The following POLA1 variants were observed in gnomAD, a reference collection of about 807,000 sequenced individuals.
POLA1 encodes the protein DNA polymerase alpha catalytic subunit.
A neutral mutation model predicts 124.0 loss-of-function variants in POLA1; 15 were observed. The observed-to-expected ratio is 0.12, with a 90% CI of 0.08 to 0.19. The LOEUF is 0.19. Ranked by LOEUF, POLA1 falls within the 10% of genes least tolerant of loss-of-function variation. POLA1 has a pLI of 1.00. For synonymous variants in POLA1, 408 were observed against 389.4 expected (o/e 1.05, Z -0.56); for missense variants, 886 against 1,103.4 (o/e 0.80, Z 2.79).
At chrX:24,704,578 A>G in intron 4 of POLA1, 109 bp downstream of exon 4, 1 of 514,935 alleles carries the variant, frequency 1.9e-6, no homozygotes, top group Non-Finnish European at 3.4e-6. Context: ...GGACCTAACT[A>G]CCATTGTTTT....
At position 24,727,885 on chromosome X, in the gene POLA1, G is replaced by A. The variant is rs768457853; in HGVS notation, c.1635G>A (p.Val545=). ...IKDVSPPPLV[V]MAFSMKTMQN... ...ATGTCAGTCCACCACCGCTTGTCGTGATGGCTTTCAGCATGAAGACAATGC... is the reference window on the plus strand; with the variant it reads ...ATGTCAGTCCACCACCGCTTGTCGTAATGGCTTTCAGCATGAAGACAATGC... Residue 545 remains valine (V), a synonymous_variant, in exon 15 of 37, where the codon GTG becomes GTA. Transcript: ENST00000379068. 20 of 1,209,521 alleles carry A rather than the reference G, an allele frequency of 1.7e-5. No individual in the cohort carries two copies. In the African/African-American group the frequency reaches 3.5e-4, roughly 21 times the overall value.
At chrX:24,822,683 A>G (rs1333856088) in intron 31 of POLA1, among the ~76,000 whole-genome samples, 1 of 112,406 alleles carries the variant, frequency 8.9e-6, no homozygotes, top group African/African-American at 3.2e-5. Context: ...AAATATTTCC[A>G]TAAATGTCTG....
intron 25 of POLA1, 110 bp from the exon 26 acceptor site, chrX:24,748,760 C>G: frequency 1.3e-6 from 1 of 786,687 alleles, no homozygotes; most frequent in Non-Finnish European, 1.9e-6. Context: ...CTTTTTTATT[C>G]AGGGATATTG....
intron 35 of POLA1, among the ~76,000 whole-genome samples, chrX:24,904,403 G>T (rs1049528987): frequency 1.8e-5 from 2 of 109,211 alleles, no homozygotes; most frequent in African/African-American, 6.6e-5. Flanking sequence ...AGAGAATGTA[G>T]AAATCCCCAT....
At chrX:24,701,411 C>T (rs1328880625) in intron 2 of POLA1, among the ~76,000 whole-genome samples, 7 of 109,775 alleles carry the variant, frequency 6.4e-5, no homozygotes, top group Non-Finnish European at 1.3e-4. Flanking sequence ...TTCTCCCGTA[C>T]TCCATTTGAG....
chrX:24,717,489 C>T lies in POLA1; in HGVS notation c.906C>T (p.Tyr302=). Residue 302 remains tyrosine (Y), a splice_region_variant and synonymous_variant, in exon 9 of 37, where the codon TAC becomes TAT. Coordinates refer to ENST00000379068, the MANE Select transcript of POLA1 (RefSeq NM_001330360.2). ...ATTCTGGGAAAGGGACCGTGTCCTA[C>T]TTGTAAGAGCATTTTATGACTTTTC... The part of the protein sequence containing the change: ...EADSGKGTVS[Y]LGSFLPDVSC... The T allele has an allele frequency of 8.3e-7, 1 of 1,206,824 alleles. No homozygotes were observed. The highest frequency in any genetic ancestry group is 1.1e-6 in the Non-Finnish European group (1 of 891,034).
intron 35 of POLA1, among the ~76,000 whole-genome samples, chrX:24,895,083 T>G (rs2047190921): frequency 9.0e-6 from 1 of 111,540 alleles, no homozygotes; most frequent in Non-Finnish European, 1.9e-5. Flanking sequence ...CCCGCCCCTA[T>G]TTTCTAATAA....
At chrX:24,874,325 GGTT>G (rs1235372713) in intron 34 of POLA1, among the ~76,000 whole-genome samples, 1 of 111,930 alleles carries the variant, frequency 8.9e-6, no homozygotes, top group Non-Finnish European at 1.9e-5. Context: ...GTCAGATTGA[GGTT>G]GTTTATTTGT....
intron 36 of POLA1, among the ~76,000 whole-genome samples, chrX:24,951,310 A>C (rs959949807): frequency 2.1e-5 from 2 of 95,955 alleles, no homozygotes; most frequent in African/African-American, 7.6e-5. Flanking sequence ...TTTGATCACT[A>C]TACAGATACT....
chrX:24,986,673 G>C (rs929195146), intron 36 of POLA1, among the ~76,000 whole-genome samples: 1 of 109,331 alleles, frequency 9.1e-6, no homozygotes, highest in African/African-American at 3.3e-5. Flanking sequence ...TTGGAGCCCA[G>C]GAGTATGATC....
chrX:24,995,015 C>T (rs1324316706), intron 36 of POLA1, among the ~76,000 whole-genome samples: 42 of 108,619 alleles, frequency 3.9e-4, no homozygotes, highest in African/African-American at 1.3e-3. Context: ...GAGATCGCGC[C>T]ACTGCACTCC....
intron 26 of POLA1, among the ~76,000 whole-genome samples, chrX:24,780,564 TTTTTG>T (rs1265388458): frequency 1.8e-5 from 2 of 112,489 alleles, no homozygotes; most frequent in Non-Finnish European, 3.8e-5. Context: ...CATGAGATTT[TTTTTG>T]TTTTGTTCTG....
At chrX:24,817,985 G>A (rs1385494352) in intron 30 of POLA1, among the ~76,000 whole-genome samples, 1 of 98,271 alleles carries the variant, frequency 1.0e-5, no homozygotes, top group Non-Finnish European at 2.0e-5. Flanking sequence ...GCTTGAAAAT[G>A]ACAGGTTAAA....
At chrX:24,754,579 C>T (rs1475181651) in intron 26 of POLA1, among the ~76,000 whole-genome samples, 1 of 111,621 alleles carries the variant, frequency 9.0e-6, no homozygotes, top group African/African-American at 3.3e-5. Context: ...CCTAGTTTTT[C>T]TTTAAAAAAG....
At chrX:24,730,766 A>G (rs937508052) in intron 15 of POLA1, among the ~76,000 whole-genome samples, 2 of 112,558 alleles carry the variant, frequency 1.8e-5, no homozygotes, top group African/African-American at 6.5e-5. Context: ...ACAGATTGCA[A>G]CACATCAGAT....
At chrX:24,736,112 A>T (rs1931259375) in intron 18 of POLA1, among the ~76,000 whole-genome samples, 1 of 111,558 alleles carries the variant, frequency 9.0e-6, no homozygotes, top group African/African-American at 3.3e-5. Flanking sequence ...AGGTTAATGG[A>T]TCAATCATAT....
chrX:24,821,898 C>G (rs2046093427), intron 31 of POLA1, among the ~76,000 whole-genome samples: 1 of 111,932 alleles, frequency 8.9e-6, no homozygotes, highest in Non-Finnish European at 1.9e-5. Context: ...TTATAAATAT[C>G]AGTGGAATAA....
rs11573356 is a variant in POLA1, at chrX:24,736,565, C to T, written c.1924-1060C>T. Among the ~76,000 whole-genome samples the T allele has an allele frequency of 1.5e-4, 17 of 111,777 alleles. No individual in the cohort carries two copies. In the South Asian group the frequency reaches 6.4e-3, roughly 42 times the overall value. On this transcript the variant is annotated intron_variant, in intron 18 of 36. Coordinates refer to ENST00000379068, the MANE Select transcript of POLA1 (RefSeq NM_001330360.2). ...TGGAATTCTGACATGAATATGGGTC[C>T]CTGATTCTAGGTATTATAATTTGTA...
chrX:24,897,665 A>G (rs2047225509), intron 35 of POLA1, among the ~76,000 whole-genome samples: 1 of 111,904 alleles, frequency 8.9e-6, no homozygotes, highest in Non-Finnish European at 1.9e-5. Context: ...AGACCAATGC[A>G]GAGATGTTCC....
Sources: gnomAD v4.1 joint callset for allele counts (sites outside exome capture counted in the v4.1 genomes callset) on GRCh38, gnomAD v4.1.1 for gene constraint, MANE v1.5 for transcripts, NCBI Gene and HGNC (gene_info 2026-07-23, HGNC 2026-07-21) for gene names.